CALN1: variants seen among roughly 807,000 people sequenced by gnomAD.
CALN1 encodes the protein calneuron 1.
CALN1 carries 17 observed loss-of-function variants against 30.6 expected under a neutral mutation model. The ratio of observed to expected loss-of-function variants is 0.56; its 90% CI spans 0.38 to 0.83. CALN1 has a LOEUF of 0.83. Ranked by LOEUF, CALN1 falls within the 40% of genes least tolerant of loss-of-function variation. CALN1 has a pLI of 0.00. For synonymous variants in CALN1, 156 were observed against 131.4 expected, an observed-to-expected ratio of 1.19 and a Z score of -1.28; for missense variants, 291 against 354.9, an observed-to-expected ratio of 0.82 and a Z score of 1.45.
chr7:72,012,362 A>C (rs991393048), intron 5 of CALN1, among the ~76,000 whole-genome samples: 3 of 152,004 alleles, frequency 2.0e-5, no homozygotes, highest in Admixed American at 6.6e-5. Context: ...AAAATACAAA[A>C]ATTAGCTGGG....
intron 2 of CALN1, among the ~76,000 whole-genome samples, chr7:72,388,949 G>A (rs769076894): frequency 1.3e-5 from 2 of 152,270 alleles, no homozygotes; most frequent in South Asian, 2.1e-4. Context: ...GCTGCAGATC[G>A]CTGGGTCTCT....
intron 5 of CALN1, among the ~76,000 whole-genome samples, chr7:71,914,386 A>T (rs1173110138): frequency 6.6e-6 from 1 of 152,078 alleles, no homozygotes; most frequent in Non-Finnish European, 1.5e-5. Flanking sequence ...ACATGATCTC[A>T]TCCTTTTCAT....
chr7:72,330,360 C>T (rs577623436), intron 2 of CALN1, among the ~76,000 whole-genome samples: 5 of 151,010 alleles, frequency 3.3e-5, no homozygotes, highest in African/African-American at 9.7e-5. Flanking sequence ...CCCAGCTTCC[C>T]GGAAGGCTGA....
At chr7:71,992,399 C>T (rs1799001219) in intron 5 of CALN1, among the ~76,000 whole-genome samples, 1 of 152,084 alleles carries the variant, frequency 6.6e-6, no homozygotes, top group South Asian at 2.1e-4. Context: ...CATTGTTGCC[C>T]AGGCTGGGAT....
At chr7:72,323,678 A>T (rs868543380) in intron 2 of CALN1, among the ~76,000 whole-genome samples, 2,678 of 108,822 alleles carry the variant, frequency 0.025, 93 homozygotes, top group African/African-American at 0.068. Flanking sequence ...AAAAAAATAA[A>T]AAATAAAGAG....
At chr7:72,100,821 C>CAAA (rs35514026) in intron 4 of CALN1, among the ~76,000 whole-genome samples, 2,522 of 72,834 alleles carry the variant, frequency 0.035, 157 homozygotes, top group Admixed American at 0.059. Context: ...CTCCGTCTCA[C>CAAA]AAAAAAAAAA....
At chr7:72,400,295 T>C (rs1806250810) in intron 2 of CALN1, among the ~76,000 whole-genome samples, 1 of 152,142 alleles carries the variant, frequency 6.6e-6, no homozygotes, top group South Asian at 2.1e-4. Flanking sequence ...GCAATGAGCT[T>C]GTTTCCCAGG....
chr7:72,169,178 A>C (rs1160211599), intron 3 of CALN1, among the ~76,000 whole-genome samples: 1 of 152,004 alleles, frequency 6.6e-6, no homozygotes, highest in East Asian at 1.9e-4. Context: ...GTAAGTATTG[A>C]ATGAAGGACC....
chr7:72,026,103 G>C (rs1801035682), intron 4 of CALN1, among the ~76,000 whole-genome samples: 1 of 152,112 alleles, frequency 6.6e-6, no homozygotes, highest in Non-Finnish European at 1.5e-5. Flanking sequence ...GCTAATTCAA[G>C]CAACGAGTTA....
intron 4 of CALN1, among the ~76,000 whole-genome samples, chr7:72,047,758 T>C (rs770803155): frequency 2.0e-5 from 3 of 152,120 alleles, no homozygotes. Context: ...GTGGCAGCCA[T>C]CGTGCTCGGC....
intron 2 of CALN1, among the ~76,000 whole-genome samples, chr7:72,316,989 AAAAGGAAAGG>A (rs141891894): frequency 1.3e-5 from 2 of 150,066 alleles, no homozygotes; most frequent in Non-Finnish European, 3.0e-5. Context: ...AAAGGAAAAA[AAAAGGAAAGG>A]AAAGGAAAGG....
intron 5 of CALN1, among the ~76,000 whole-genome samples, chr7:71,952,351 C>T (rs1796735332): frequency 6.6e-6 from 1 of 152,168 alleles, no homozygotes; most frequent in Non-Finnish European, 1.5e-5. Context: ...CCCCCCTCAC[C>T]TCCTTGCCTG....
intron 2 of CALN1, among the ~76,000 whole-genome samples, chr7:72,297,382 A>T (rs1214272687): frequency 3.3e-5 from 5 of 152,236 alleles, no homozygotes; most frequent in Non-Finnish European, 7.3e-5. Context: ...CTCCAGAACA[A>T]AACCAATAAA....
rs117962265 is a variant in CALN1, at chr7:72,305,446, T to C, written c.120-26636A>G. Among the ~76,000 whole-genome samples the C allele has an allele frequency of 8.1e-3, 1,237 of 152,330 alleles. 8 individuals are homozygous for C. The highest frequency in any genetic ancestry group is 0.014 in the Middle Eastern group (4 of 292). ...AGGATTTAATTGTGATGAATTTCTATGTAACTTCCTTCAAGATCCCCACGT... is the reference window on the plus strand; with the variant it reads ...AGGATTTAATTGTGATGAATTTCTACGTAACTTCCTTCAAGATCCCCACGT... On this transcript the variant is annotated intron_variant, in intron 2 of 6. Coordinates refer to ENST00000395275, the MANE Select transcript of CALN1 (RefSeq NM_031468.4).
At chr7:71,978,105 C>T (rs937339806) in intron 5 of CALN1, among the ~76,000 whole-genome samples, 2 of 151,496 alleles carry the variant, frequency 1.3e-5, no homozygotes, top group African/African-American at 4.9e-5. Flanking sequence ...TGGGAGCTTC[C>T]CCACCATAAG....
chr7:72,201,147 C>G (rs1373634046), intron 3 of CALN1, among the ~76,000 whole-genome samples: 2 of 152,128 alleles, frequency 1.3e-5, no homozygotes, highest in East Asian at 3.9e-4. Flanking sequence ...CAGCTGGAGG[C>G]CATTATCCTA....
intron 3 of CALN1, among the ~76,000 whole-genome samples, chr7:72,184,861 T>C (rs1790069830): frequency 6.6e-6 from 1 of 152,012 alleles, no homozygotes; most frequent in Non-Finnish European, 1.5e-5. Flanking sequence ...GGTGCAATCA[T>C]AGCTCGCTGC....
chr7:72,195,171 A>G (rs978668251), intron 3 of CALN1, among the ~76,000 whole-genome samples: 3 of 152,054 alleles, frequency 2.0e-5, no homozygotes, highest in Admixed American at 6.6e-5. Context: ...TCTTACAGAC[A>G]CTCCACTCAC....
At chr7:72,430,676 G>A (rs1807944551) in intron 1 of CALN1, among the ~76,000 whole-genome samples, 1 of 152,136 alleles carries the variant, frequency 6.6e-6, no homozygotes, top group African/African-American at 2.4e-5. Flanking sequence ...GGTGAGCCGA[G>A]CACCAACCAA....
Sources: gnomAD v4.1 joint callset for allele counts (sites outside exome capture counted in the v4.1 genomes callset) on GRCh38, gnomAD v4.1.1 for gene constraint, MANE v1.5 for transcripts, NCBI Gene and HGNC (gene_info 2026-07-23, HGNC 2026-07-21) for gene names.